Variants in MCTP1 observed in about 807,000 individuals in gnomAD.
MCTP1 encodes multiple C2 and transmembrane domain containing 1.
MCTP1 carries 69 observed loss-of-function variants against 120.6 expected under a neutral mutation model. That is an observed-to-expected ratio of 0.57 (90% confidence interval 0.47 to 0.70). The LOEUF (loss-of-function observed/expected upper bound fraction) is 0.70, where lower values mean the gene tolerates loss of function less well. MCTP1 is among the 30% of genes least tolerant of loss of function. The pLI, the probability that MCTP1 is intolerant of heterozygous loss-of-function variation, is 0.00. For missense variants in MCTP1, 1,203 were observed against 1,248.8 expected (o/e 0.96, Z 0.55); for synonymous variants, 529 against 493.1 (o/e 1.07, Z -0.96).
chr5:94,710,826 A>G lies in MCTP1; in HGVS notation c.2822T>C (p.Leu941Pro). The G allele has an allele frequency of 1.9e-6, 3 of 1,610,470 alleles. No homozygotes were observed. Among genetic ancestry groups the G allele is most frequent in the Non-Finnish European group, 2.5e-6 (3 of 1,177,458 alleles). Residue 941 changes from leucine to proline, a missense_variant, in exon 21 of 23, where the codon CTT (leucine) becomes CCT (proline). By Grantham distance (98) the Leu-to-Pro change is moderately conservative. This residue lies in a region of MCTP1 where 740 missense variants were observed against 871.1 expected (regional missense o/e 0.85). Transcript: ENST00000515393. ...LYCIPLRYIVLVWGINKFTKK... is the reference protein window; with the variant it reads ...LYCIPLRYIVPVWGINKFTKK... ...GGGGAGGCTTTACTTACCCCAGACA[A>G]GGACAATGTATCTCAGCGGAATGCA...
intron 1 of MCTP1, among the ~76,000 whole-genome samples, chr5:95,236,691 T>C (rs944133947): frequency 6.6e-6 from 1 of 152,162 alleles, no homozygotes; most frequent in Non-Finnish European, 1.5e-5. Flanking sequence ...ATAGTAGATA[T>C]GGGCTGAGTT....
chr5:94,885,470 T>C (rs768258750), intron 12 of MCTP1, among the ~76,000 whole-genome samples: 2 of 152,128 alleles, frequency 1.3e-5, no homozygotes, highest in African/African-American at 2.4e-5. Context: ...TATAGGAGAC[T>C]TGGAATGTTC....
At chr5:95,006,186 T>C (rs1223390755) in intron 2 of MCTP1, among the ~76,000 whole-genome samples, 2 of 152,098 alleles carry the variant, frequency 1.3e-5, no homozygotes, top group African/African-American at 4.8e-5. Context: ...TTGAACAAAA[T>C]GATGTTATTT....
chr5:95,182,749 C>T (rs1748742820), intron 1 of MCTP1, among the ~76,000 whole-genome samples: 1 of 152,056 alleles, frequency 6.6e-6, no homozygotes, highest in Non-Finnish European at 1.5e-5. Context: ...GGGGGGGACT[C>T]ATGTTAACTG....
chr5:94,967,224 G>C (rs1357418909), intron 2 of MCTP1, among the ~76,000 whole-genome samples: 1 of 152,198 alleles, frequency 6.6e-6, no homozygotes, highest in Non-Finnish European at 1.5e-5. Flanking sequence ...AGGTTGGGTA[G>C]AGATGGTTCC....
intron 18 of MCTP1, chr5:94,793,685 G>A (rs1311835967): frequency 1.3e-5 from 2 of 152,208 alleles, no homozygotes; most frequent in Non-Finnish European, 2.9e-5. Context: ...TGTCAGCTTG[G>A]CTTTGGCCAG....
intron 19 of MCTP1, among the ~76,000 whole-genome samples, chr5:94,746,613 ATAATG>A (rs1211463425): frequency 6.6e-6 from 1 of 152,260 alleles, no homozygotes; most frequent in East Asian, 1.9e-4. Context: ...AGACATTTTT[ATAATG>A]TAATAGTGCA....
At chr5:94,867,656 C>T in intron 17 of MCTP1, 1 of 363,350 alleles carries the variant, frequency 2.8e-6, no homozygotes, top group Non-Finnish European at 5.0e-6. Context: ...AGAAGAAAAT[C>T]CCAGCTAAAG....
chr5:95,120,998 G>A (rs913864871), intron 1 of MCTP1, among the ~76,000 whole-genome samples: 2 of 152,022 alleles, frequency 1.3e-5, no homozygotes, highest in African/African-American at 4.8e-5. Flanking sequence ...GCAGGACATG[G>A]CCAGGCGCGG....
In MCTP1 at chr5:94,715,380, A is replaced by C. The variant is rs867606074; in HGVS notation, c.2611-494T>G. Among the ~76,000 whole-genome samples, 1,139 of 150,714 alleles carry C rather than the reference A, an allele frequency of 7.6e-3. 14 individuals are homozygous for C. Among genetic ancestry groups the C allele is most frequent in the African/African-American group, 0.026 (1,068 of 40,968 alleles). On this transcript the variant is annotated intron_variant, in intron 19 of 22. Coordinates refer to ENST00000515393, the MANE Select transcript of MCTP1 (RefSeq NM_024717.7). ...GAAAACTACAAAAAAAAAAAAAAAA[A>C]AAAAAAAAACACCACCACCAAAACC...
At position 94,704,539 on chromosome 5, in the gene MCTP1, T is replaced by A. The variant is rs1754102397; in HGVS notation, c.*2957A>T. On this transcript the variant is annotated 3_prime_UTR_variant, in exon 23 of 23. Coordinates refer to ENST00000515393, the MANE Select transcript of MCTP1 (RefSeq NM_024717.7). The stretch of plus-strand genomic sequence containing the variant: ...GCTCCTGTGGTCCCTAGATAAGCAT[T>A]TACTTCTGAGTTTTTCTTCACTTTT... The A allele has an allele frequency of 6.6e-6, 1 of 150,582 alleles. No individual in the cohort carries two copies. Among genetic ancestry groups the A allele is most frequent in the Admixed American group, 6.6e-5 (1 of 15,144 alleles). 9.3% of individuals were successfully genotyped at this position (150,582 alleles called of 1,614,324 possible).
At chr5:95,258,621 T>C (rs1359862369) in intron 1 of MCTP1, among the ~76,000 whole-genome samples, 1 of 152,224 alleles carries the variant, frequency 6.6e-6, no homozygotes, top group East Asian at 1.9e-4. Context: ...ACTACAGTCA[T>C]GTAAGCTACT....
intron 1 of MCTP1, among the ~76,000 whole-genome samples, chr5:95,071,746 A>G: frequency 6.6e-6 from 1 of 152,158 alleles, no homozygotes; most frequent in East Asian, 1.9e-4. Context: ...ACTCTGTGAA[A>G]CTGTGGCCAC....
chr5:94,797,876 A>T lies in MCTP1; in HGVS notation c.2556+1137T>A, dbSNP rs566050586. Reference sequence around the variant, plus strand: ...TTGAAGAATTTTATATTTTGCTTACATGGCTATTTGAAGTGTATTTTGCTT... The same window carrying T: ...TTGAAGAATTTTATATTTTGCTTACTTGGCTATTTGAAGTGTATTTTGCTT... On this transcript the variant is annotated intron_variant, in intron 18 of 22. Coordinates refer to ENST00000515393, the MANE Select transcript of MCTP1 (RefSeq NM_024717.7). Among the ~76,000 whole-genome samples, 4 of 152,244 alleles carry T rather than the reference A, an allele frequency of 2.6e-5. No individual in the cohort carries two copies. In the South Asian group the frequency reaches 8.3e-4, roughly 32 times the overall value.
intron 19 of MCTP1, among the ~76,000 whole-genome samples, chr5:94,749,654 CAAAAAAAAAAAAAAAAAAAA>C (rs57404381): frequency 2.0e-5 from 1 of 50,944 alleles, no homozygotes; most frequent in Non-Finnish European, 3.3e-5. Context: ...GACTTCATCT[CAAAAAAAAAAAAAAAAAAAA>C]AAAAAAAAAA....
intron 19 of MCTP1, among the ~76,000 whole-genome samples, chr5:94,739,812 T>A (rs534986215): frequency 9.2e-5 from 14 of 152,300 alleles, no homozygotes; most frequent in Admixed American, 3.3e-4. Context: ...GGATTACTGA[T>A]GTGTGCCACC....
intron 1 of MCTP1, among the ~76,000 whole-genome samples, chr5:95,143,348 A>G: frequency 6.6e-6 from 1 of 152,176 alleles, no homozygotes; most frequent in East Asian, 1.9e-4. Context: ...TGTAAAATAT[A>G]CTGTTTTACA....
intron 17 of MCTP1, among the ~76,000 whole-genome samples, chr5:94,810,503 A>G (rs1486123228): frequency 1.3e-5 from 2 of 152,180 alleles, no homozygotes; most frequent in African/African-American, 4.8e-5. Flanking sequence ...ACTGTGCCAG[A>G]AAATAGGATA....
At chr5:95,003,837 T>C (rs1001097205) in intron 2 of MCTP1, among the ~76,000 whole-genome samples, 1 of 151,962 alleles carries the variant, frequency 6.6e-6, no homozygotes, top group Admixed American at 6.6e-5. Context: ...ATCCAGAAAA[T>C]TGGTACCAGA....
Sources: gnomAD v4.1 joint callset for allele counts (sites outside exome capture counted in the v4.1 genomes callset) on GRCh38, gnomAD v4.1.1 for gene constraint, gnomAD v4.1.1 regional missense constraint, MANE v1.5 for transcripts, NCBI Gene and HGNC (gene_info 2026-07-23, HGNC 2026-07-21) for gene names.